The following TMEM230 variants were observed in gnomAD, a reference collection of about 807,000 sequenced individuals.
TMEM230 encodes the protein transmembrane protein 230.
Under a neutral mutation model 15.8 loss-of-function variants are expected in TMEM230, and 10 were observed. The ratio of observed to expected loss-of-function variants is 0.63; its 90% CI spans 0.39 to 1.07. The LOEUF (loss-of-function observed/expected upper bound fraction) is 1.07, where lower values mean the gene tolerates loss of function less well. Ranked by LOEUF, TMEM230 falls within the 50% of genes least tolerant of loss-of-function variation. TMEM230 has a pLI of 0.01. For synonymous variants in TMEM230, 67 were observed against 76.9 expected (o/e 0.87, Z 0.68); for missense variants, 165 against 193.3 (o/e 0.85, Z 0.87).
At chr20:5,090,437 G>A (rs1180376115) in intron 3 of TMEM230, among the ~76,000 whole-genome samples, 2 of 152,210 alleles carry the variant, frequency 1.3e-5, no homozygotes, top group Non-Finnish European at 2.9e-5. Flanking sequence ...AGGCACTACA[G>A]TCACTTCCTC....
At chr20:5,096,657 G>A (rs1391164090), downstream of TMEM230, among the ~76,000 whole-genome samples, 2 of 152,218 alleles carry the variant, frequency 1.3e-5, no homozygotes, top group Non-Finnish European at 2.9e-5. Context: ...GTGCCAGGCA[G>A]AGGCATGACT....
downstream of TMEM230, chr20:5,067,424 T>TATATAC (rs2088680418): frequency 1.0e-4 from 1 of 9,632 alleles, no homozygotes; most frequent in Non-Finnish European, 1.9e-4. Flanking sequence ...TATATATATA[T>TATATAC]ATATATATAT....
At chr20:5,102,195 C>A (rs918871782) in intron 4 of TMEM230, among the ~76,000 whole-genome samples, 1 of 152,038 alleles carries the variant, frequency 6.6e-6, no homozygotes, top group Non-Finnish European at 1.5e-5. Context: ...CAACAGAGAA[C>A]AAAATGTAAA....
rs41282112 is a variant in TMEM230 at position 5,112,844 on chromosome 20, G to A, written c.68+117C>T. 3 of 1,541,696 alleles carry A rather than the reference G, an allele frequency of 1.9e-6. No homozygotes were observed. In the African/African-American group the frequency reaches 4.1e-5, roughly 21 times the overall value. On this transcript the variant is annotated intron_variant, in intron 1 of 4. Transcript: ENST00000342308. ...GGAAAGAGGCCAACTGTGCCAGGGGGGACGAATGCCCCACACGGATGACTC... is the reference window on the plus strand; with the variant it reads ...GGAAAGAGGCCAACTGTGCCAGGGGAGACGAATGCCCCACACGGATGACTC...
chr20:5,099,587 A>G (rs936052982), downstream of TMEM230, among the ~76,000 whole-genome samples: 1 of 151,586 alleles, frequency 6.6e-6, no homozygotes, highest in Admixed American at 6.6e-5. Flanking sequence ...TCCAAGACCC[A>G]CTCTTAAACT....
chr20:5,076,780 C>A (rs1389466915), intron 3 of TMEM230, among the ~76,000 whole-genome samples: 1 of 146,322 alleles, frequency 6.8e-6, no homozygotes, highest in African/African-American at 2.5e-5. Context: ...TGGGTTCAAG[C>A]GATTCTCCTG....
At chr20:5,067,410 C>CATATATATATATATATATATAT (rs60791101), downstream of TMEM230, 1 of 102,314 alleles carries the variant, frequency 9.8e-6, no homozygotes, top group Non-Finnish European at 2.0e-5. Context: ...TGTTTAGGCT[C>CATATATATATATATATATATAT]ATATATATAT....
chr20:5,086,901 GTCCCACTC>G lies in TMEM230; in HGVS notation c.223-17560_223-17553del, dbSNP rs545927839. 3.5e-3 allele frequency among the ~76,000 whole-genome samples: 537 copies of G among 151,868 alleles called. 3 individuals are homozygous for G. The highest frequency in any genetic ancestry group is 0.012 in the African/African-American group (501 of 41,430). On this transcript the variant is annotated intron_variant, in intron 3 of 3. Transcript: ENST00000612323. ...TGTTTAGTTATTTTTTTGACACAGA[GTCCCACTC>G]TGTCCCCCAGGCTGAGTGCAGTGGT...
rs758119588 is a variant in TMEM230, at chr20:5,111,607, T to TAAAAAAAAAAAAAAAAAA, written c.69-20_69-3dup. 6.8e-5 allele frequency: 4 copies of TAAAAAAAAAAAAAAAAAA among 58,792 alleles called. No individual in the cohort carries two copies. Among genetic ancestry groups the TAAAAAAAAAAAAAAAAAA allele is most frequent in the Admixed American group, 3.1e-4 (1 of 3,180 alleles). 3.6% of individuals were successfully genotyped at this position (58,792 alleles called of 1,614,324 possible). ...CTGGGCGACAGAACTAGACTCCATC[T>TAAAAAAAAAAAAAAAAAA]AAAAAAAAAAAAAAAAAAAAAAAAA... On this transcript the variant is annotated splice_region_variant and splice_polypyrimidine_tract_variant and intron_variant, in intron 1 of 4. Coordinates refer to ENST00000342308, the MANE Select transcript of TMEM230 (RefSeq NM_001009923.2).
chr20:5,069,252 G>A, exon 4 of TMEM230: 1 of 1,535,920 alleles, frequency 6.5e-7, no homozygotes, highest in Non-Finnish European at 8.7e-7. Context: ...TCCTCCTTCG[G>A]GACTCCTCCC....
intron 3 of TMEM230, 45 bp downstream of exon 2, chr20:5,109,287 C>T (rs2090216704): frequency 6.6e-7 from 1 of 1,510,420 alleles, no homozygotes. Context: ...GCTAACTTAA[C>T]AGAAACACAG....
exon 4 of TMEM230, chr20:5,069,160 T>C: frequency 6.6e-7 from 1 of 1,504,172 alleles, no homozygotes; most frequent in Non-Finnish European, 8.8e-7. Context: ...CCTTTTAAGA[T>C]GCTTATCTCA....
At chr20:5,078,193 T>C (rs971272145) in intron 3 of TMEM230, among the ~76,000 whole-genome samples, 7 of 151,626 alleles carry the variant, frequency 4.6e-5, no homozygotes, top group Admixed American at 3.9e-4. Context: ...CAGGGACCCA[T>C]GCTTAGAGGG....
chr20:5,078,761 A>G (rs1156269910), intron 3 of TMEM230, among the ~76,000 whole-genome samples: 1 of 152,156 alleles, frequency 6.6e-6, no homozygotes. Context: ...CAATCCAAAC[A>G]TGAGCCCACA....
intron 3 of TMEM230, among the ~76,000 whole-genome samples, chr20:5,091,841 A>G (rs2089516022): frequency 6.6e-6 from 1 of 152,228 alleles, no homozygotes; most frequent in South Asian, 2.1e-4. Context: ...CTGGAGATAA[A>G]AACCAAGGTT....
Position 5,100,013 on chromosome 20 carries a change from A to T in TMEM230, c.*778T>A, listed in dbSNP as rs1399748243. 6 of 985,280 alleles carry T rather than the reference A, an allele frequency of 6.1e-6. No homozygotes were observed. The highest frequency in any genetic ancestry group is 3.6e-6 in the Non-Finnish European group (3 of 829,912). 61.0% of individuals were successfully genotyped at this position (985,280 alleles called of 1,614,324 possible). A position where few individuals can be genotyped will look rare whatever the true frequency, so the allele number is the denominator to read the frequency against. On this transcript the variant is annotated 3_prime_UTR_variant, in exon 5 of 5. Coordinates refer to ENST00000342308, the MANE Select transcript of TMEM230 (RefSeq NM_001009923.2). ...TTGGAATCATGAGCAGAATGATGACATACTACAAGGTGCTAGCAATACGGC... is the reference window on the plus strand; with the variant it reads ...TTGGAATCATGAGCAGAATGATGACTTACTACAAGGTGCTAGCAATACGGC...
chr20:5,110,798 A>C (rs1032622210), intron 2 of TMEM230, among the ~76,000 whole-genome samples: 27 of 152,274 alleles, frequency 1.8e-4, no homozygotes, highest in African/African-American at 6.3e-4. Context: ...TATTCAAAGC[A>C]GACAGCAGTA....
In TMEM230 at chr20:5,069,280, T is replaced by G. The variant is rs148412505; in HGVS notation, c.292A>C (p.Met98Leu). 4.2e-4 allele frequency: 651 copies of G among 1,536,024 alleles called. 1 individual carries two copies. The African/African-American group carries it at 7.0e-3, about 16-fold the overall frequency. ...CTCCTCCCACTGATGCCTCCCATCATGTACCCACGGGATGCTGGTAGATGT... is the reference window on the plus strand; with the variant it reads ...CTCCTCCCACTGATGCCTCCCATCAGGTACCCACGGGATGCTGGTAGATGT... The change falls in exon 4 of 4, where the codon ATG (methionine) becomes CTG (leucine). Residue 98 changes from methionine to leucine, a missense_variant. Met to Leu is a conservative substitution (Grantham distance 15, BLOSUM62 2). Transcript: ENST00000612323.
chr20:5,089,799 C>G (rs1568489828), intron 3 of TMEM230, among the ~76,000 whole-genome samples: 3 of 152,058 alleles, frequency 2.0e-5, no homozygotes, highest in African/African-American at 7.2e-5. Flanking sequence ...GAGGACGAGA[C>G]CTGAGGTCAG....
Sources: allele counts gnomAD v4.1 joint callset (sites outside exome capture counted in the v4.1 genomes callset), GRCh38; gene constraint gnomAD v4.1.1; transcripts MANE v1.5; gene names NCBI Gene and HGNC (gene_info 2026-07-23, HGNC 2026-07-21).